VPS13A: variants seen among roughly 807,000 people sequenced by gnomAD.
VPS13A encodes the protein vacuolar protein sorting 13 homolog A.
Under a neutral mutation model 390.9 loss-of-function variants are expected in VPS13A, and 264 were observed. The observed-to-expected ratio is 0.68, with a 90% CI of 0.61 to 0.75. The LOEUF is 0.75. Among genes scored for constraint, VPS13A ranks in the 30% least tolerant of loss-of-function variants. The pLI is 0.00. For synonymous variants in VPS13A, 1,231 were observed against 1,227.1 expected (o/e 1.00, Z -0.07); for missense variants, 3,409 against 3,733.9 (o/e 0.91, Z 2.27).
rs1824871965 is a variant in VPS13A at position 77,247,292 on chromosome 9, T to C, written c.1934T>C (p.Leu645Pro). 6.2e-7 allele frequency: 1 copy of C among 1,605,672 alleles called. No homozygotes were observed. The highest frequency in any genetic ancestry group is 8.5e-7 in the Non-Finnish European group (1 of 1,175,128). Residue 645 changes from leucine to proline, a missense_variant, in exon 20 of 72, where the codon CTT (leucine) becomes CCT (proline). Transcript: ENST00000360280. ...LLYIIETQKVLDLKINLKASY... is the reference protein window; with the variant it reads ...LLYIIETQKVPDLKINLKASY... The stretch of plus-strand genomic sequence containing the variant: ...TATATTATTGAAACACAGAAAGTTC[T>C]TGATCTCAAAATTAATTTGAAGGCT...
intron 68 of VPS13A, among the ~76,000 whole-genome samples, chr9:77,401,329 TTGTGTGTGTGTGTGTGTGTGTG>T (rs4012461): frequency 1.1e-4 from 15 of 140,520 alleles, no homozygotes; most frequent in South Asian, 4.9e-4. Flanking sequence ...TCACATGAAG[TTGTGTGTGTGTGTGTGTGTGTG>T]TGTGTGTGTG....
rs535377738 is a variant in VPS13A, at chr9:77,280,020, A to G, written c.2825-139A>G. 17 of 601,098 alleles carry G rather than the reference A, an allele frequency of 2.8e-5. No homozygotes were observed. The Admixed American group carries it at 4.4e-4, about 15-fold the overall frequency. The allele number at this position is 601,098 out of a possible 1,614,324, so 37.2% of individuals were successfully genotyped here. A position where few individuals can be genotyped will look rare whatever the true frequency, so the allele number is the denominator to read the frequency against. On this transcript the variant is annotated intron_variant, in intron 26 of 71. Transcript: ENST00000360280. ...GTTTAAAGAACAAAGAAGTAACTTG[A>G]CTTGGGTGAGGTAGAATCCAAGGTC...
intron 55 of VPS13A, among the ~76,000 whole-genome samples, 181 bp from the exon 56 acceptor site, chr9:77,357,511 C>T (rs1192471267): frequency 6.6e-6 from 1 of 151,626 alleles, no homozygotes; most frequent in Non-Finnish European, 1.5e-5. Context: ...AAAAGTAATG[C>T]AGTGAAGCTT....
In VPS13A at chr9:77,359,317, T is replaced by C. The variant is rs1832002392; in HGVS notation, c.8036-16T>C. On this transcript the variant is annotated splice_polypyrimidine_tract_variant and intron_variant, in intron 57 of 71. Transcript: ENST00000360280. ...TTAAAGCATCATGGGAGTAATTATA[T>C]TTATAACCTTTACAGCACCAAAGCC... 6.2e-7 allele frequency: 1 copy of C among 1,611,082 alleles called. No homozygotes were observed. Among genetic ancestry groups the C allele is most frequent in the Non-Finnish European group, 8.5e-7 (1 of 1,177,502 alleles).
At chr9:77,186,638 A>G (rs1027859220) in intron 1 of VPS13A, among the ~76,000 whole-genome samples, 3 of 152,222 alleles carry the variant, frequency 2.0e-5, no homozygotes, top group Admixed American at 6.5e-5. Flanking sequence ...GGGTTTCACT[A>G]TGTTGACCAG....
Position 77,362,780 on chromosome 9 carries a change from AT to A in VPS13A, c.8211+2147del, listed in dbSNP as rs562988312. On this transcript the variant is annotated intron_variant, in intron 59 of 71. Transcript: ENST00000360280. ...GTTTATCCATTTATGTAGATTTTTA[AT>A]TTTTTTTAACAATGTTTTGTTGTTT... Among the ~76,000 whole-genome samples, 109 of 151,978 alleles carry A rather than the reference AT, an allele frequency of 7.2e-4. 3 individuals are homozygous for A. The Middle Eastern group carries it at 0.027, about 38-fold the overall frequency.
chr9:77,256,814 G>C (rs898536329), intron 22 of VPS13A, among the ~76,000 whole-genome samples: 3 of 150,756 alleles, frequency 2.0e-5, no homozygotes, highest in African/African-American at 7.3e-5. Context: ...AGGCATCCCT[G>C]CTCTCTTTTG....
chr9:77,202,496 A>G (rs1409176999), intron 3 of VPS13A, among the ~76,000 whole-genome samples: 1 of 152,134 alleles, frequency 6.6e-6, no homozygotes, highest in Non-Finnish European at 1.5e-5. Flanking sequence ...TTTATTCTGT[A>G]CCATAATAAT....
intron 59 of VPS13A, among the ~76,000 whole-genome samples, chr9:77,363,374 A>G (rs937238605): frequency 7.7e-6 from 1 of 129,502 alleles, no homozygotes; most frequent in Non-Finnish European, 1.7e-5. Flanking sequence ...TTCTACTGAT[A>G]TGTTTTATTA....
At position 77,315,363 on chromosome 9, in the gene VPS13A, G is replaced by T. The variant is rs756818592; in HGVS notation, c.4523G>T (p.Cys1508Phe). Residue 1508 changes from cysteine to phenylalanine, a missense_variant, in exon 38 of 72, where the codon TGT becomes TTT. Coordinates refer to ENST00000360280, the MANE Select transcript of VPS13A (RefSeq NM_033305.3). ...TDAVFQEMYICASVEFLQTVA... is the reference protein window; with the variant it reads ...TDAVFQEMYIFASVEFLQTVA... ...GCGGTCTTTCAAGAAATGTATATTT[G>T]TGCAAGCGTAGAATTTCTGCAGACT... 2 of 1,613,876 alleles carry T rather than the reference G, an allele frequency of 1.2e-6. No homozygotes were observed. The highest frequency in any genetic ancestry group is 8.5e-7 in the Non-Finnish European group (1 of 1,179,886).
intron 31 of VPS13A, among the ~76,000 whole-genome samples, chr9:77,292,873 T>C (rs953077965): frequency 1.3e-5 from 2 of 152,110 alleles, no homozygotes; most frequent in African/African-American, 4.8e-5. Context: ...GGAACAGAAG[T>C]ATAGCAATAG....
intron 17 of VPS13A, among the ~76,000 whole-genome samples, chr9:77,233,503 AT>A (rs1224142308): frequency 6.6e-6 from 1 of 151,934 alleles, no homozygotes; most frequent in Non-Finnish European, 1.5e-5. Context: ...GAGGTTATTG[AT>A]TTGATAATCT....
chr9:77,407,704 T>TTTTG lies in VPS13A; in HGVS notation c.9474+109_9474+112dup, dbSNP rs548926770. 1,013 of 983,836 alleles carry TTTTG rather than the reference T, an allele frequency of 1.0e-3. 4 individuals are homozygous for TTTTG. Among genetic ancestry groups the TTTTG allele is most frequent in the African/African-American group, 7.3e-3 (446 of 61,442 alleles). The allele number at this position is 983,836 out of a possible 1,614,324, so 60.9% of individuals were successfully genotyped here. A position where few individuals can be genotyped will look rare whatever the true frequency, so the allele number is the denominator to read the frequency against. On this transcript the variant is annotated intron_variant, in intron 71 of 71. Transcript: ENST00000360280. ...ATGCAGATAAGTTTTGTTTGGGGGT[T>TTTTG]TTTGTTTGTTTGTTTTGCTTTTGTG...
At chr9:77,277,684 T>C (rs56180139) in intron 26 of VPS13A, among the ~76,000 whole-genome samples, 8,316 of 152,266 alleles carry the variant, frequency 0.055, 336 homozygotes, top group South Asian at 0.12. Flanking sequence ...CCTTTTCAGA[T>C]TGGCTTCTTT....
intron 20 of VPS13A, among the ~76,000 whole-genome samples, chr9:77,248,477 C>T (rs1402974927): frequency 6.6e-6 from 1 of 152,026 alleles, no homozygotes; most frequent in African/African-American, 2.4e-5. Flanking sequence ...CTCGGCCTCC[C>T]AAAGTGCTGG....
chr9:77,200,610 G>A (rs954623033), intron 2 of VPS13A, among the ~76,000 whole-genome samples: 1 of 152,060 alleles, frequency 6.6e-6, no homozygotes, highest in African/African-American at 2.4e-5. Flanking sequence ...AGGCTGCAGT[G>A]CAGTGGTGTG....
In VPS13A at chr9:77,321,301, C is replaced by A; in HGVS notation, c.5548C>A (p.Leu1850Ile). Residue 1850 changes from leucine (L) to isoleucine (I), a missense_variant, in exon 43 of 72, where the codon CTT (leucine) becomes ATT (isoleucine). Physicochemically the swap from Leu to Ile is conservative, Grantham distance 5 (BLOSUM62 2). This residue lies in a region of VPS13A where 2,717 missense variants were observed against 2,917.4 expected (regional missense o/e 0.93). Transcript: ENST00000360280. ...QLNITLSKCG[L>I]VMLNNLVKAF... ...AAACATTACATTATCCAAATGTGGT[C>A]TTGTAATGTTAAACAATTTAGTCAA... 1.2e-6 allele frequency: 2 copies of A among 1,607,468 alleles called. No homozygotes were observed. The highest frequency in any genetic ancestry group is 2.2e-5 in the South Asian group (2 of 90,480).
intron 38 of VPS13A, 86 bp downstream of exon 38, chr9:77,315,556 A>G (rs1364028192): frequency 1.6e-6 from 2 of 1,266,356 alleles, no homozygotes; most frequent in Non-Finnish European, 2.3e-6. Flanking sequence ...TAGATCATCA[A>G]AGTAAATGCT....
chr9:77,206,235 C>T (rs1359660893), intron 5 of VPS13A, among the ~76,000 whole-genome samples, 156 bp downstream of exon 5: 2 of 151,160 alleles, frequency 1.3e-5, no homozygotes, highest in Non-Finnish European at 2.9e-5. Flanking sequence ...GGTTTGTATG[C>T]TTTGTTATGT....
Sources: allele counts gnomAD v4.1 joint callset (sites outside exome capture counted in the v4.1 genomes callset), GRCh38; gene constraint gnomAD v4.1.1; regional missense constraint gnomAD v4.1.1; transcripts MANE v1.5; gene names NCBI Gene and HGNC (gene_info 2026-07-23, HGNC 2026-07-21).